ANO4: variants seen among roughly 807,000 people sequenced by gnomAD.
ANO4 encodes anoctamin 4.
Under a neutral mutation model 141.9 loss-of-function variants are expected in ANO4, and 69 were observed. The ratio of observed to expected loss-of-function variants is 0.49; its 90% CI spans 0.40 to 0.59. The LOEUF is 0.59. ANO4 is among the 20% of genes least tolerant of loss of function. ANO4 has a pLI of 0.00. For missense variants in ANO4, 894 were observed against 1,162.2 expected, an observed-to-expected ratio of 0.77 and a Z score of 3.36; for synonymous variants, 350 against 394.3, an observed-to-expected ratio of 0.89 and a Z score of 1.33.
At chr12:100,848,265 C>G (rs2037682300) in intron 1 of ANO4, among the ~76,000 whole-genome samples, 1 of 152,062 alleles carries the variant, frequency 6.6e-6, no homozygotes, top group Non-Finnish European at 1.5e-5. Context: ...CAACTTTCTT[C>G]TATACTCAGC....
chr12:100,829,341 G>C (rs1403337935), intron 1 of ANO4, among the ~76,000 whole-genome samples: 1 of 152,026 alleles, frequency 6.6e-6, no homozygotes, highest in African/African-American at 2.4e-5. Context: ...AAGTTATTGT[G>C]AAGATTCCTG....
At chr12:101,023,406 C>T (rs989744868) in intron 9 of ANO4, among the ~76,000 whole-genome samples, 1 of 152,294 alleles carries the variant, frequency 6.6e-6, no homozygotes, top group South Asian at 2.1e-4. Context: ...CACATTGGCT[C>T]ATGCCTGGAA....
intron 8 of ANO4, among the ~76,000 whole-genome samples, chr12:101,005,100 A>G (rs1205173136): frequency 6.6e-6 from 1 of 152,212 alleles, no homozygotes; most frequent in Non-Finnish European, 1.5e-5. Flanking sequence ...TCAGACTAAG[A>G]TGGAGGGAGC....
chr12:101,120,262 T>C (rs1444633070), intron 25 of ANO4, among the ~76,000 whole-genome samples: 1 of 152,148 alleles, frequency 6.6e-6, no homozygotes, highest in Non-Finnish European at 1.5e-5. Flanking sequence ...ATGTCACTGA[T>C]CAGGTCTGGC....
At chr12:100,933,938 T>C (rs952039203) in intron 3 of ANO4, among the ~76,000 whole-genome samples, 2 of 152,206 alleles carry the variant, frequency 1.3e-5, no homozygotes, top group Admixed American at 6.5e-5. Context: ...GCCCACTTTT[T>C]GATGGGGTTG....
intron 1 of ANO4, among the ~76,000 whole-genome samples, chr12:100,815,465 T>A (rs561930260): frequency 1.3e-5 from 2 of 152,278 alleles, no homozygotes; most frequent in South Asian, 4.1e-4. Flanking sequence ...CTAAAAGTCA[T>A]TGTTAGGTAC....
At chr12:100,832,057 T>C (rs2036659964) in intron 1 of ANO4, among the ~76,000 whole-genome samples, 1 of 152,096 alleles carries the variant, frequency 6.6e-6, no homozygotes, top group African/African-American at 2.4e-5. Context: ...GAGCCAGGGT[T>C]TGAACTGAGA....
intron 5 of ANO4, among the ~76,000 whole-genome samples, chr12:100,946,508 A>G (rs2042727998): frequency 1.3e-5 from 2 of 152,194 alleles, no homozygotes; most frequent in Non-Finnish European, 2.9e-5. Flanking sequence ...GACAGATTGA[A>G]TGGGCAGTGT....
intron 3 of ANO4, among the ~76,000 whole-genome samples, chr12:100,765,141 A>C (rs1353346181): frequency 1.3e-5 from 2 of 151,934 alleles, no homozygotes; most frequent in Non-Finnish European, 2.9e-5. Context: ...CTTTCTTGTT[A>C]TTCTTCTGTT....
intron 3 of ANO4, among the ~76,000 whole-genome samples, chr12:100,778,168 C>G (rs1436278749): frequency 6.6e-6 from 1 of 152,130 alleles, no homozygotes; most frequent in African/African-American, 2.4e-5. Flanking sequence ...ATCCGCCTGC[C>G]TCGGCCTCCC....
In ANO4 at chr12:100,979,790, C is replaced by T. The variant is rs570320234; in HGVS notation, c.602+4901C>T. Among the ~76,000 whole-genome samples the T allele has an allele frequency of 1.7e-4, 26 of 151,724 alleles. 1 individual carries two copies. In the South Asian group the frequency reaches 4.8e-3, roughly 28 times the overall value. On this transcript the variant is annotated intron_variant, in intron 7 of 27. Coordinates refer to ENST00000392977, the MANE Select transcript of ANO4 (RefSeq NM_001286615.2). ...TTGCCCAGGCTGGAGTGCAGAGGCA[C>T]GATCTCGGCTCACTGCAAGCTCCGC...
At chr12:100,784,774 G>A (rs1593325034) in intron 3 of ANO4, among the ~76,000 whole-genome samples, 1 of 152,306 alleles carries the variant, frequency 6.6e-6, no homozygotes, top group East Asian at 1.9e-4. Flanking sequence ...CTTGACCAGG[G>A]TAAGTGTATT....
chr12:100,979,895 C>CTTTTTTTTTT (rs71091474), intron 7 of ANO4, among the ~76,000 whole-genome samples: 10 of 119,406 alleles, frequency 8.4e-5, no homozygotes, highest in Non-Finnish European at 1.5e-4. Context: ...GCCCAGCTGA[C>CTTTTTTTTTT]TTTTTTTTTT....
intron 3 of ANO4, among the ~76,000 whole-genome samples, chr12:100,937,286 G>C: frequency 6.6e-6 from 1 of 152,140 alleles, no homozygotes; most frequent in East Asian, 1.9e-4. Context: ...AACTTACATT[G>C]TAATAAGGTA....
chr12:101,058,243 C>T (rs1467634898), intron 14 of ANO4, among the ~76,000 whole-genome samples: 2 of 152,112 alleles, frequency 1.3e-5, no homozygotes, highest in African/African-American at 2.4e-5. Flanking sequence ...GTACCAGTAC[C>T]ATGCTGTTTT....
At chr12:100,867,678 A>G (rs890163012) in intron 1 of ANO4, among the ~76,000 whole-genome samples, 1 of 152,178 alleles carries the variant, frequency 6.6e-6, no homozygotes, top group Non-Finnish European at 1.5e-5. Flanking sequence ...CCCATGGCCC[A>G]GTCAGGTTGA....
chr12:100,948,645 T>G (rs2042843647), intron 5 of ANO4, among the ~76,000 whole-genome samples: 1 of 152,140 alleles, frequency 6.6e-6, no homozygotes, highest in Non-Finnish European at 1.5e-5. Context: ...AATTAAGATA[T>G]TGTAGATGGT....
chr12:101,072,878 A>G (rs964299755), intron 14 of ANO4, among the ~76,000 whole-genome samples: 1 of 152,250 alleles, frequency 6.6e-6, no homozygotes, highest in Non-Finnish European at 1.5e-5. Flanking sequence ...TCAAAACCAC[A>G]ATGAGATATC....
rs535113774 is a variant in ANO4, at chr12:101,121,448, G to A, written c.2676+823G>A. Among the ~76,000 whole-genome samples the A allele has an allele frequency of 2.0e-5, 3 of 152,292 alleles. No homozygotes were observed. In the South Asian group the frequency reaches 6.2e-4, roughly 32 times the overall value. ...TTATGGCCACATAGTATTCCATGGT[G>A]TATACATACCACATTTTCTCTATCT... is the stretch of plus-strand genomic sequence containing the variant. On this transcript the variant is annotated intron_variant, in intron 26 of 27. Coordinates refer to ENST00000392977, the MANE Select transcript of ANO4 (RefSeq NM_001286615.2).
Sources: gnomAD v4.1 joint callset for allele counts (sites outside exome capture counted in the v4.1 genomes callset) on GRCh38, gnomAD v4.1.1 for gene constraint, MANE v1.5 for transcripts, NCBI Gene and HGNC (gene_info 2026-07-23, HGNC 2026-07-21) for gene names.